The following MTTP variants were observed in gnomAD, a reference collection of about 807,000 sequenced individuals.
The protein encoded by MTTP is microsomal triglyceride transfer protein.
In MTTP, 49 loss-of-function variants were observed where a neutral mutation model predicts 90.6. The ratio of observed to expected loss-of-function variants is 0.54; its 90% confidence interval spans 0.43 to 0.69. The LOEUF is 0.69. Among genes scored for constraint, MTTP ranks in the 30% least tolerant of loss-of-function variants. MTTP has a pLI of 0.00. For synonymous variants in MTTP, 347 were observed against 384.2 expected, an observed-to-expected ratio of 0.90 and a Z score of 1.13; for missense variants, 945 against 1,067.5, an observed-to-expected ratio of 0.89 and a Z score of 1.60.
intron 4 of MTTP, 128 bp downstream of exon 4, chr4:99,589,878 G>T (rs542903699): frequency 5.8e-6 from 4 of 691,344 alleles, no homozygotes; most frequent in African/African-American, 1.8e-5. Flanking sequence ...TAGTGAAGTC[G>T]CATTTGCCTA....
In MTTP at chr4:99,613,153, GTCTGTGA is replaced by G; in HGVS notation, c.2217+14_2217+20del. 1 of 1,603,014 alleles carries G rather than the reference GTCTGTGA, an allele frequency of 6.2e-7. No homozygotes were observed. The highest frequency in any genetic ancestry group is 2.2e-5 in the East Asian group (1 of 44,730). ...AGATCATTCTCAGGTAATTCATTCA[GTCTGTGA>G]GTATTTATTGAGTCCCTAAAATACG... is the stretch of plus-strand genomic sequence containing the variant. On this transcript the variant is annotated intron_variant, in intron 15 of 17. Transcript: ENST00000265517.
At chr4:99,615,311 A>G (rs1270605778) in intron 15 of MTTP, among the ~76,000 whole-genome samples, 1 of 152,238 alleles carries the variant, frequency 6.6e-6, no homozygotes, top group East Asian at 1.9e-4. Context: ...CTGTGTTCCA[A>G]TAAAATTTTA....
At chr4:99,612,561 G>A (rs1203928156) in intron 14 of MTTP, among the ~76,000 whole-genome samples, 1 of 152,054 alleles carries the variant, frequency 6.6e-6, no homozygotes, top group Non-Finnish European at 1.5e-5. Flanking sequence ...GAGTCTGTAG[G>A]ATGCCATCAT....
At chr4:99,577,308 A>G (rs1002555173) in intron 1 of MTTP, among the ~76,000 whole-genome samples, 2 of 152,052 alleles carry the variant, frequency 1.3e-5, no homozygotes, top group Non-Finnish European at 2.9e-5. Context: ...GCAGGTTAGA[A>G]TCTAAAGAAA....
Position 99,611,354 on chromosome 4 carries a change from T to C in MTTP, c.1890T>C (p.Thr630=), listed in dbSNP as rs1725950148. 2.5e-6 allele frequency: 4 copies of C among 1,614,040 alleles called. No homozygotes were observed. The South Asian group carries it at 3.3e-5, about 13-fold the overall frequency. The change falls in exon 14 of 18, where the codon ACT becomes ACC. Residue 630 remains threonine (T), a synonymous_variant. Coordinates refer to ENST00000265517, the MANE Select transcript of MTTP (RefSeq NM_001386140.1). ...YIERSPRSAS[T]YSLDILYSGS... is the part of the protein sequence containing the mutation. ...CAGGTAGTCCCCGTTCGGCATCTAC[T>C]TACAGCCTAGACATTCTCTACTCGG...
chr4:99,608,917 A>C lies in MTTP; in HGVS notation c.1709A>C (p.Glu570Ala). The change falls in exon 12 of 18, where the codon GAA (glutamate) becomes GCA (alanine). Residue 570 changes from glutamate to alanine, a missense_variant. By Grantham distance (107) the Glu-to-Ala change is moderately radical (BLOSUM62 -1). Coordinates refer to ENST00000265517, the MANE Select transcript of MTTP (RefSeq NM_001386140.1). ...ILLSIGELPQEMNKYMLAIVQ... is the reference protein window; with the variant it reads ...ILLSIGELPQAMNKYMLAIVQ... Reference sequence around the variant, plus strand: ...CTGTCTATTGGGGAGCTTCCCCAAGAAATGAATAAATACATGCTCGCCATT... The same window carrying C: ...CTGTCTATTGGGGAGCTTCCCCAAGCAATGAATAAATACATGCTCGCCATT... The C allele has an allele frequency of 1.2e-6, 2 of 1,614,208 alleles. No homozygotes were observed. The highest frequency in any genetic ancestry group is 1.7e-6 in the Non-Finnish European group (2 of 1,180,026).
At chr4:99,564,397 A>G (rs1724606211) in intron 1 of MTTP, 1 of 678,796 alleles carries the variant, frequency 1.5e-6, no homozygotes, top group Admixed American at 3.4e-5. Context: ...ATGATTTTAC[A>G]TAACTCAAGT....
intron 1 of MTTP, among the ~76,000 whole-genome samples, chr4:99,580,036 A>C (rs1454625239): frequency 1.1e-5 from 1 of 91,710 alleles, no homozygotes; most frequent in Non-Finnish European, 2.2e-5. Flanking sequence ...ACCCTGTCTC[A>C]AAAAAAAAAA....
In MTTP at chr4:99,617,681, A is replaced by T. The variant is rs192280434; in HGVS notation, c.2218-1293A>T. ...CAATCTGATTCCAATCCAACTAAAA[A>T]GTTTTGTGCCAACATCACCTCAACT... On this transcript the variant is annotated intron_variant, in intron 15 of 17. Coordinates refer to ENST00000265517, the MANE Select transcript of MTTP (RefSeq NM_001386140.1). Among the ~76,000 whole-genome samples, 250 of 152,316 alleles carry T rather than the reference A, an allele frequency of 1.6e-3. 1 individual carries two copies. The highest frequency in any genetic ancestry group is 2.1e-3 in the Non-Finnish European group (146 of 68,030).
At chr4:99,581,233 A>G (rs1725103106) in intron 1 of MTTP, among the ~76,000 whole-genome samples, 1 of 152,218 alleles carries the variant, frequency 6.6e-6, no homozygotes, top group Admixed American at 6.5e-5. Context: ...GGCTCACAGT[A>G]CAGATTTGTA....
intron 1 of MTTP, among the ~76,000 whole-genome samples, chr4:99,577,253 A>G (rs1370425937): frequency 2.0e-5 from 3 of 152,136 alleles, no homozygotes; most frequent in South Asian, 4.1e-4. Context: ...TAAATTACCA[A>G]TGCAACTGTT....
At position 99,582,006 on chromosome 4, in the gene MTTP, G is replaced by A. The variant is rs369453726; in HGVS notation, c.163G>A (p.Val55Met). The A allele has an allele frequency of 1.6e-5, 26 of 1,614,078 alleles. No individual in the cohort carries two copies. The highest frequency in any genetic ancestry group is 5.3e-5 in the African/African-American group (4 of 74,922). The change falls in exon 2 of 18, where the codon GTG becomes ATG. Residue 55 changes from valine (V) to methionine (M), a missense_variant. Transcript: ENST00000265517. ...GGGCAAAGGAAAACTGCAAGACAGC[G>A]TGGGCTACCGCATTTCCTCCAACGT... Reference protein sequence around the residue: ...DRGKGKLQDSVGYRISSNVDV... With the variant: ...DRGKGKLQDSMGYRISSNVDV...
intron 15 of MTTP, among the ~76,000 whole-genome samples, chr4:99,613,904 T>C (rs1478405119): frequency 2.0e-5 from 3 of 152,140 alleles, no homozygotes; most frequent in African/African-American, 7.2e-5. Context: ...AACCTTTGAG[T>C]CTGAATGTTT....
chr4:99,595,868 T>A (rs994805726), intron 7 of MTTP, among the ~76,000 whole-genome samples: 7 of 152,072 alleles, frequency 4.6e-5, no homozygotes, highest in African/African-American at 1.4e-4. Context: ...TGCTCTGCAC[T>A]ATTAATTTCT....
chr4:99,566,427 TTAAGC>T (rs1348360515), intron 1 of MTTP, among the ~76,000 whole-genome samples: 1 of 152,174 alleles, frequency 6.6e-6, no homozygotes, highest in Non-Finnish European at 1.5e-5. Flanking sequence ...TACTTGTAGT[TTAAGC>T]TAATATAAGA....
In MTTP at chr4:99,594,016, G is replaced by A. The variant is rs139645568; in HGVS notation, c.759-717G>A. 2.2e-3 allele frequency among the ~76,000 whole-genome samples: 331 copies of A among 152,246 alleles called. 1 individual carries two copies. Among genetic ancestry groups the A allele is most frequent in the African/African-American group, 7.5e-3 (311 of 41,546 alleles). ...AAGGTGGTTCCCCCATGTATCTGGTGCATGGGCTGGAAAGACTCAAACATC... is the reference window on the plus strand; with the variant it reads ...AAGGTGGTTCCCCCATGTATCTGGTACATGGGCTGGAAAGACTCAAACATC... On this transcript the variant is annotated intron_variant, in intron 6 of 17. Coordinates refer to ENST00000265517, the MANE Select transcript of MTTP (RefSeq NM_001386140.1).
chr4:99,567,509 G>A (rs1299068047), intron 1 of MTTP, among the ~76,000 whole-genome samples: 1 of 152,196 alleles, frequency 6.6e-6, no homozygotes, highest in Non-Finnish European at 1.5e-5. Flanking sequence ...AAACCAATGT[G>A]AGGTCGGCGT....
At position 99,590,836 on chromosome 4, in the gene MTTP, TACACACACAC is replaced by T. The variant is rs34529437; in HGVS notation, c.502-380_502-371del. On this transcript the variant is annotated intron_variant, in intron 4 of 17. Transcript: ENST00000265517. ...CTAATCATGTTCAGCTAGTTGAAGT[TACACACACAC>T]ACACACACACACACACACCACACAC... Among the ~76,000 whole-genome samples, 6 of 148,424 alleles carry T rather than the reference TACACACACAC, an allele frequency of 4.0e-5. No individual in the cohort carries two copies. The East Asian group carries it at 5.9e-4, about 15-fold the overall frequency.
rs1726217757 is a variant in MTTP at position 99,621,094 on chromosome 4, G to A, written c.2376G>A (p.Val792=). ...VTVVITTDIT[V]DSSFVKAGLE... ...TGGTAATAACCACTGACATCACAGT[G>A]GACTCCTCTTTTGTGAAAGCTGGCC... Residue 792 remains valine (V), a synonymous_variant, in exon 17 of 18, where the codon GTG becomes GTA. Transcript: ENST00000265517. 1.9e-6 allele frequency: 3 copies of A among 1,614,000 alleles called. No individual in the cohort carries two copies. The highest frequency in any genetic ancestry group is 2.5e-6 in the Non-Finnish European group (3 of 1,179,980).
Sources: allele counts gnomAD v4.1 joint callset (sites outside exome capture counted in the v4.1 genomes callset), GRCh38; gene constraint gnomAD v4.1.1; transcripts MANE v1.5; gene names NCBI Gene and HGNC (gene_info 2026-07-23, HGNC 2026-07-21).